The following PAMR1 variants were observed in gnomAD, a reference collection of about 807,000 sequenced individuals.
PAMR1 encodes the protein inactive serine protease PAMR1.
In PAMR1, 88 loss-of-function variants were observed where a neutral mutation model predicts 81.8. The observed-to-expected ratio is 1.08, with a 90% CI of 0.91 to 1.28. PAMR1 has a LOEUF of 1.28. Ranked by LOEUF, PAMR1 falls within the 50% of genes most tolerant of loss-of-function variation. PAMR1 has a pLI of 0.00. For missense variants in PAMR1, 935 were observed against 919.7 expected (o/e 1.02, Z -0.21); for synonymous variants, 336 against 345.3 (o/e 0.97, Z 0.30).
intron 1 of PAMR1, among the ~76,000 whole-genome samples, chr11:35,509,972 TAG>T (rs1188802416): frequency 1.3e-5 from 2 of 152,180 alleles, no homozygotes; most frequent in Admixed American, 6.5e-5. Context: ...AAAGAACTCA[TAG>T]ACCCCACACT....
chr11:35,487,185 C>G (rs1850526233), intron 3 of PAMR1, among the ~76,000 whole-genome samples: 1 of 148,020 alleles, frequency 6.8e-6, no homozygotes, highest in Admixed American at 6.8e-5. Flanking sequence ...AAAGAACAAA[C>G]ATTTGTCCTT....
In PAMR1 at chr11:35,492,462, T is replaced by C. The variant is rs1590371746; in HGVS notation, c.251-289A>G. Among the ~76,000 whole-genome samples the C allele has an allele frequency of 2.6e-5, 4 of 152,320 alleles. No individual in the cohort carries two copies. The South Asian group carries it at 8.3e-4, about 32-fold the overall frequency. On this transcript the variant is annotated intron_variant, in intron 2 of 10. Transcript: ENST00000619888. ...TGCAGGAAACAGAAGAATCTATCAA[T>C]ATAGAGTCTTTTGTATAAATGTTAC...
chr11:35,494,024 G>A (rs556309170), intron 2 of PAMR1, 72 bp downstream of exon 2: 1 of 1,192,698 alleles, frequency 8.4e-7, no homozygotes, highest in South Asian at 1.4e-5. Context: ...TAGAATTCAG[G>A]CGTTCAGCCT....
intron 2 of PAMR1, among the ~76,000 whole-genome samples, chr11:35,493,107 G>A (rs987369151): frequency 3.3e-5 from 5 of 152,152 alleles, no homozygotes; most frequent in South Asian, 2.1e-4. Flanking sequence ...AGATCCCAAC[G>A]TGTGGTCAAT....
intron 6 of PAMR1, among the ~76,000 whole-genome samples, chr11:35,446,507 G>T (rs918059775): frequency 8.5e-5 from 13 of 152,112 alleles, no homozygotes; most frequent in Admixed American, 4.6e-4. Context: ...CATTGCTTTA[G>T]CTGCATCCCA....
At chr11:35,445,359 C>A (rs1426197269) in intron 6 of PAMR1, among the ~76,000 whole-genome samples, 1 of 151,324 alleles carries the variant, frequency 6.6e-6, no homozygotes, top group Non-Finnish European at 1.5e-5. Flanking sequence ...TTGCCCTGGC[C>A]CGAACTTCCA....
intron 5 of PAMR1, among the ~76,000 whole-genome samples, chr11:35,468,752 T>C (rs1440977437): frequency 6.6e-6 from 1 of 152,262 alleles, no homozygotes; most frequent in Non-Finnish European, 1.5e-5. Context: ...ACATTGTGAA[T>C]TTCAAGCTTA....
At chr11:35,484,910 G>C (rs1850469749) in intron 3 of PAMR1, among the ~76,000 whole-genome samples, 1 of 152,186 alleles carries the variant, frequency 6.6e-6, no homozygotes, top group Non-Finnish European at 1.5e-5. Context: ...GGTCAGCAGT[G>C]GAAGTCAGCA....
At chr11:35,433,821 G>GGGATGGATGGATGGAT (rs377245331) in intron 10 of PAMR1, among the ~76,000 whole-genome samples, 2,105 of 149,516 alleles carry the variant, frequency 0.014, 53 homozygotes, top group African/African-American at 0.05. Flanking sequence ...GAGGGATGGA[G>GGGATGGATGGATGGAT]GGATGGATGG....
chr11:35,522,124 G>A (rs970091742), intron 1 of PAMR1, among the ~76,000 whole-genome samples: 7 of 152,060 alleles, frequency 4.6e-5, no homozygotes, highest in African/African-American at 1.2e-4. Flanking sequence ...GGGTTTCACT[G>A]TGTTAGCCAG....
intron 1 of PAMR1, among the ~76,000 whole-genome samples, chr11:35,522,395 T>C (rs1851302381): frequency 6.6e-6 from 1 of 152,208 alleles, no homozygotes; most frequent in South Asian, 2.1e-4. Flanking sequence ...CACCCTACTT[T>C]CTGTCTACAT....
At chr11:35,511,757 T>C (rs1416612810) in intron 1 of PAMR1, among the ~76,000 whole-genome samples, 1 of 152,214 alleles carries the variant, frequency 6.6e-6, no homozygotes, top group Non-Finnish European at 1.5e-5. Context: ...CCTCATCTTG[T>C]GCTGTCTGAA....
intron 10 of PAMR1, among the ~76,000 whole-genome samples, chr11:35,433,712 G>A (rs1855960535): frequency 6.7e-6 from 1 of 148,840 alleles, no homozygotes; most frequent in African/African-American, 2.5e-5. Flanking sequence ...GGACAGGTAG[G>A]TGGATAGATG....
At chr11:35,434,931 A>C in intron 9 of PAMR1, 127 bp from the exon 10 acceptor site, 2 of 821,822 alleles carry the variant, frequency 2.4e-6, no homozygotes, top group Non-Finnish European at 3.8e-6. Context: ...CACTAAGATA[A>C]GTAACCCAGT....
chr11:35,498,866 C>G (rs1231845957), intron 1 of PAMR1, among the ~76,000 whole-genome samples: 3 of 152,208 alleles, frequency 2.0e-5, no homozygotes, highest in South Asian at 2.1e-4. Context: ...AATGCACACC[C>G]CTTCGATCCC....
Position 35,478,925 on chromosome 11 carries a change from A to G in PAMR1, c.380-4181T>C, listed in dbSNP as rs963758893. 2.0e-5 allele frequency among the ~76,000 whole-genome samples: 3 copies of G among 152,062 alleles called. No individual in the cohort carries two copies. The East Asian group carries it at 5.8e-4, about 29-fold the overall frequency. ...CCCTGAGCTCTCAAATCCTGGCCTC[A>G]TTGCCGATCTTTCCCCATGGCTACG... On this transcript the variant is annotated intron_variant, in intron 3 of 10. Coordinates refer to ENST00000619888, the MANE Select transcript of PAMR1 (RefSeq NM_001001991.3).
At chr11:35,499,229 C>T (rs1050339145) in intron 1 of PAMR1, among the ~76,000 whole-genome samples, 17 of 152,054 alleles carry the variant, frequency 1.1e-4, no homozygotes, top group Non-Finnish European at 1.5e-4. Context: ...CCTCCCACAG[C>T]GAGGTATCTA....
intron 1 of PAMR1, among the ~76,000 whole-genome samples, chr11:35,514,166 G>T (rs1016850396): frequency 1.3e-5 from 2 of 152,178 alleles, no homozygotes; most frequent in Non-Finnish European, 2.9e-5. Flanking sequence ...TGGAGGCACA[G>T]GGATGAGATT....
intron 1 of PAMR1, among the ~76,000 whole-genome samples, chr11:35,510,416 C>T (rs891480623): frequency 1.3e-5 from 2 of 152,100 alleles, no homozygotes; most frequent in African/African-American, 2.4e-5. Context: ...GGTTTTACTG[C>T]CCTAAGAATT....
Sources: allele counts gnomAD v4.1 joint callset (sites outside exome capture counted in the v4.1 genomes callset), GRCh38; gene constraint gnomAD v4.1.1; transcripts MANE v1.5; gene names NCBI Gene and HGNC (gene_info 2026-07-23, HGNC 2026-07-21).